SPOCK3: variants seen among roughly 807,000 people sequenced by gnomAD.
The protein encoded by SPOCK3 is testican-3.
In SPOCK3, 30 loss-of-function variants were observed where a neutral mutation model predicts 56.6. The observed-to-expected ratio is 0.53, with a 90% CI of 0.40 to 0.72. The LOEUF (loss-of-function observed/expected upper bound fraction) is 0.72. Ranked by LOEUF, SPOCK3 falls within the 30% of genes least tolerant of loss-of-function variation. The pLI is 0.00. For synonymous variants in SPOCK3, 196 were observed against 183.3 expected (o/e 1.07, Z -0.56); for missense variants, 527 against 530.0 (o/e 0.99, Z 0.06).
At chr4:166,751,356 A>G (rs1456319387) in intron 8 of SPOCK3, among the ~76,000 whole-genome samples, 1 of 152,180 alleles carries the variant, frequency 6.6e-6, no homozygotes, top group African/African-American at 2.4e-5. Context: ...AAAACCCTGC[A>G]TAAACTAGTT....
At chr4:166,810,556 T>C (rs1324244157) in intron 6 of SPOCK3, among the ~76,000 whole-genome samples, 1 of 152,048 alleles carries the variant, frequency 6.6e-6, no homozygotes, top group East Asian at 1.9e-4. Flanking sequence ...TATTAAATAA[T>C]TTCAAGCATG....
At chr4:166,956,535 T>C (rs572911772) in intron 4 of SPOCK3, among the ~76,000 whole-genome samples, 1 of 152,242 alleles carries the variant, frequency 6.6e-6, no homozygotes, top group African/African-American at 2.4e-5. Flanking sequence ...GGTATGAGAC[T>C]TCATCACACT....
intron 6 of SPOCK3, among the ~76,000 whole-genome samples, chr4:166,838,714 G>T (rs1052385939): frequency 7.1e-6 from 1 of 141,668 alleles, no homozygotes; most frequent in African/African-American, 2.6e-5. Context: ...GAACTTTTGG[G>T]AGGCCGTGAG....
chr4:166,876,683 AATAGTATCTTTTG>A (rs1366215472), intron 6 of SPOCK3, among the ~76,000 whole-genome samples: 1 of 152,158 alleles, frequency 6.6e-6, no homozygotes, highest in Non-Finnish European at 1.5e-5. Context: ...AAACGATATT[AATAGTATCTTTTG>A]ATTTTTAACA....
At chr4:166,878,655 T>G (rs1482020466) in intron 6 of SPOCK3, among the ~76,000 whole-genome samples, 1 of 152,150 alleles carries the variant, frequency 6.6e-6, no homozygotes, top group Admixed American at 6.6e-5. Context: ...TACTCTAAGT[T>G]ATTTCACACA....
chr4:166,962,072 C>G (rs1336002974), intron 4 of SPOCK3, among the ~76,000 whole-genome samples: 1 of 152,110 alleles, frequency 6.6e-6, no homozygotes, highest in Non-Finnish European at 1.5e-5. Flanking sequence ...GAGTCTTTCT[C>G]AAATCACATC....
intron 6 of SPOCK3, among the ~76,000 whole-genome samples, chr4:166,844,638 C>T (rs1301456924): frequency 6.6e-6 from 1 of 152,026 alleles, no homozygotes; most frequent in Non-Finnish European, 1.5e-5. Flanking sequence ...GTCTGTCTGT[C>T]TATCTGTCTC....
intron 6 of SPOCK3, among the ~76,000 whole-genome samples, chr4:166,843,055 G>T (rs1049100112): frequency 2.0e-5 from 3 of 152,218 alleles, no homozygotes; most frequent in African/African-American, 7.2e-5. Flanking sequence ...ACCCTCCGCA[G>T]CTGCTGGCCT....
At chr4:167,110,498 A>G (rs12331050) in intron 2 of SPOCK3, among the ~76,000 whole-genome samples, 2,399 of 152,110 alleles carry the variant, frequency 0.016, 66 homozygotes, top group African/African-American at 0.055. Context: ...TTAGTATGAA[A>G]TCCAGTGTCA....
At chr4:167,077,003 A>T (rs1438003648) in intron 2 of SPOCK3, among the ~76,000 whole-genome samples, 1 of 151,888 alleles carries the variant, frequency 6.6e-6, no homozygotes, top group Admixed American at 6.6e-5. Flanking sequence ...TATGTGTAAA[A>T]CTATGCATGG....
rs1366889062 is a variant in SPOCK3, at chr4:166,786,700, T to C, written c.709+5470A>G. On this transcript the variant is annotated intron_variant, in intron 7 of 10. Coordinates refer to ENST00000357545, the MANE Select transcript of SPOCK3 (RefSeq NM_001040159.2). ...GGTTGACCTCTAAAAACTATTGTTT[T>C]GTAGTTCCAAAATTGGTAATTTCAT... Among the ~76,000 whole-genome samples the C allele has an allele frequency of 5.3e-5, 8 of 152,334 alleles. No homozygotes were observed. In the East Asian group the frequency reaches 1.5e-3, roughly 29 times the overall value.
At chr4:166,911,834 C>A (rs1441812280) in intron 5 of SPOCK3, among the ~76,000 whole-genome samples, 2 of 152,092 alleles carry the variant, frequency 1.3e-5, no homozygotes, top group Non-Finnish European at 2.9e-5. Context: ...CTGCACCTGG[C>A]TTAATAGTTT....
chr4:166,912,489 T>G, intron 5 of SPOCK3, 131 bp downstream of exon 5: 148 of 948,138 alleles, frequency 1.6e-4, no homozygotes, highest in Middle Eastern at 3.4e-4. Context: ...TCCAAACCAG[T>G]GAGATTATTA....
intron 3 of SPOCK3, among the ~76,000 whole-genome samples, chr4:167,010,710 A>T (rs998542681): frequency 1.3e-5 from 2 of 152,126 alleles, no homozygotes; most frequent in Non-Finnish European, 2.9e-5. Context: ...CGGACCCAGA[A>T]GGAATAGTGA....
At chr4:167,220,099 A>G (rs140837693) in intron 2 of SPOCK3, among the ~76,000 whole-genome samples, 1,634 of 152,268 alleles carry the variant, frequency 0.011, 24 homozygotes, top group African/African-American at 0.031. Flanking sequence ...GTTTTCTCAG[A>G]ACCCAGTCAA....
At chr4:167,059,589 T>C (rs1213664151) in intron 3 of SPOCK3, among the ~76,000 whole-genome samples, 2 of 152,068 alleles carry the variant, frequency 1.3e-5, no homozygotes, top group Middle Eastern at 3.2e-3. Flanking sequence ...TGGAAGTCAG[T>C]GTGGCGATTC....
intron 6 of SPOCK3, among the ~76,000 whole-genome samples, chr4:166,807,628 T>C (rs1560879853): frequency 6.6e-6 from 1 of 152,152 alleles, no homozygotes. Flanking sequence ...AATACCTTTT[T>C]GATTAAACTC....
intron 6 of SPOCK3, among the ~76,000 whole-genome samples, chr4:166,865,370 C>A (rs1280290139): frequency 1.3e-5 from 2 of 152,082 alleles, no homozygotes; most frequent in East Asian, 3.9e-4. Context: ...GAAACCGGCA[C>A]AAGACAAAGA....
At chr4:167,092,581 C>G (rs1758797824) in intron 2 of SPOCK3, among the ~76,000 whole-genome samples, 1 of 152,150 alleles carries the variant, frequency 6.6e-6, no homozygotes, top group Non-Finnish European at 1.5e-5. Context: ...ACAATGATAA[C>G]TTGGAGAATA....
Sources: allele counts gnomAD v4.1 joint callset (sites outside exome capture counted in the v4.1 genomes callset), GRCh38; gene constraint gnomAD v4.1.1; transcripts MANE v1.5; gene names NCBI Gene and HGNC (gene_info 2026-07-23, HGNC 2026-07-21).